LRRK2: variants seen among roughly 807,000 people sequenced by gnomAD.
LRRK2 encodes the protein leucine-rich repeat serine/threonine-protein kinase 2.
LRRK2 carries 203 observed loss-of-function variants against 302.6 expected under a neutral mutation model. That is an observed-to-expected ratio of 0.67 (90% confidence interval 0.60 to 0.75). The LOEUF is 0.75. LRRK2 is among the 30% of genes least tolerant of loss of function. The pLI is 0.00. For missense variants in LRRK2, 2,830 were observed against 2,951.0 expected (o/e 0.96, Z 0.95); for synonymous variants, 1,066 against 1,031.9 (o/e 1.03, Z -0.63).
At chr12:40,325,180 C>T (rs1333509783) in intron 38 of LRRK2, among the ~76,000 whole-genome samples, 3 of 152,080 alleles carry the variant, frequency 2.0e-5, no homozygotes, top group East Asian at 1.9e-4. Flanking sequence ...CTCAGCTACT[C>T]GGGAGGCTGA....
chr12:40,315,407 C>G, intron 33 of LRRK2, 107 bp downstream of exon 33: 1 of 905,954 alleles, frequency 1.1e-6, no homozygotes, highest in Non-Finnish European at 1.8e-6. Flanking sequence ...AAGGCAGAAA[C>G]TTTTGTGAAT....
At chr12:40,254,349 C>T (rs1942407368) in intron 11 of LRRK2, among the ~76,000 whole-genome samples, 1 of 152,178 alleles carries the variant, frequency 6.6e-6, no homozygotes, top group African/African-American at 2.4e-5. Context: ...TCTTCTTCCT[C>T]TTCCTCCTTT....
intron 33 of LRRK2, among the ~76,000 whole-genome samples, chr12:40,318,621 T>A (rs1945300049): frequency 6.6e-6 from 1 of 152,046 alleles, no homozygotes; most frequent in Non-Finnish European, 1.5e-5. Context: ...CCAGGGCCTA[T>A]GAGTTTATAC....
chr12:40,288,000 AT>A (rs1421375696), intron 20 of LRRK2, among the ~76,000 whole-genome samples: 1 of 151,962 alleles, frequency 6.6e-6, no homozygotes, highest in Non-Finnish European at 1.5e-5. Flanking sequence ...CAATATTAAT[AT>A]TTTAATAGCT....
Position 40,311,037 on chromosome 12 carries a change from C to A in LRRK2, c.4536+388C>A, listed in dbSNP as rs11175976. Among the ~76,000 whole-genome samples, 8 of 152,126 alleles carry A rather than the reference C, an allele frequency of 5.3e-5. No individual in the cohort carries two copies. The East Asian group carries it at 1.5e-3, about 29-fold the overall frequency. ...TCATCTTTCTTCTATTATTCTTTAA[C>A]TGTTATTTTTCCATTTCCTCTTTTC... On this transcript the variant is annotated intron_variant, in intron 31 of 50. Transcript: ENST00000298910.
intron 25 of LRRK2, chr12:40,301,131 G>A: frequency 2.2e-6 from 1 of 456,414 alleles, no homozygotes. Context: ...TGTTTGCTTT[G>A]CACTACACAA....
At chr12:40,360,436 A>G (rs1164116217) in intron 47 of LRRK2, among the ~76,000 whole-genome samples, 2 of 151,880 alleles carry the variant, frequency 1.3e-5, no homozygotes. Flanking sequence ...TGACCCTCCT[A>G]ATTGTCATTT....
chr12:40,308,671 C>A lies in LRRK2; in HGVS notation c.4164C>A (p.Leu1388=), dbSNP rs757255377. The A allele has an allele frequency of 6.2e-7, 1 of 1,613,794 alleles. No homozygotes were observed. Among genetic ancestry groups the A allele is most frequent in the African/African-American group, 1.3e-5 (1 of 75,032 alleles). ...TAAGAGACAAAAGAAAGAGAGATCTCGTCCTAAATGTGTGGGATTTTGCAG... is the reference window on the plus strand; with the variant it reads ...TAAGAGACAAAAGAAAGAGAGATCTAGTCCTAAATGTGTGGGATTTTGCAG... ...IQIRDKRKRD[L]VLNVWDFAGR... Residue 1388 remains leucine (L), a synonymous_variant, in exon 29 of 51, where the codon CTC becomes CTA. Transcript: ENST00000298910.
chr12:40,281,231 A>G (rs1009382132), intron 18 of LRRK2, among the ~76,000 whole-genome samples: 1 of 152,208 alleles, frequency 6.6e-6, no homozygotes, highest in Admixed American at 6.5e-5. Context: ...AAGGTCCAGT[A>G]GGTTCTAATG....
intron 8 of LRRK2, among the ~76,000 whole-genome samples, chr12:40,250,971 C>A (rs1018042838): frequency 1.4e-5 from 2 of 148,058 alleles, no homozygotes; most frequent in Non-Finnish European, 1.5e-5. Flanking sequence ...ATGAACTAAT[C>A]TTTTCAAATA....
Position 40,359,231 on chromosome 12 carries a change from G to A in LRRK2, c.6844-29G>A, listed in dbSNP as rs200642564. On this transcript the variant is annotated intron_variant, in intron 46 of 50. Coordinates refer to ENST00000298910, the MANE Select transcript of LRRK2 (RefSeq NM_198578.4). ...TTGTTCTGTGGATACTCAATTTGCT[G>A]AGTGTGTTTTCTTTTTTTTTTGGCA... 1.4e-5 allele frequency: 22 copies of A among 1,553,662 alleles called. No homozygotes were observed. In the African/African-American group the frequency reaches 3.0e-4, roughly 21 times the overall value.
At chr12:40,232,579 A>G (rs1592136107) in intron 3 of LRRK2, 196 bp downstream of exon 3, 1 of 541,616 alleles carries the variant, frequency 1.8e-6, no homozygotes, top group East Asian at 3.0e-5. Context: ...GAAAGCAAAC[A>G]TTTAAGGTAA....
chr12:40,235,114 A>G (rs2136408284), intron 3 of LRRK2, among the ~76,000 whole-genome samples: 1 of 152,326 alleles, frequency 6.6e-6, no homozygotes, highest in South Asian at 2.1e-4. Flanking sequence ...ATTATTCACC[A>G]CAATCAAGCT....
intron 14 of LRRK2, among the ~76,000 whole-genome samples, chr12:40,271,415 G>A (rs550652112): frequency 1.3e-5 from 2 of 152,184 alleles, no homozygotes; most frequent in South Asian, 4.1e-4. Flanking sequence ...CCATTGAGCT[G>A]GCTAGCTCAG....
At chr12:40,231,570 CA>C (rs1565664710) in intron 2 of LRRK2, among the ~76,000 whole-genome samples, 1 of 66,602 alleles carries the variant, frequency 1.5e-5, no homozygotes, top group African/African-American at 7.0e-5. Context: ...AAAACAAAAA[CA>C]AAACCAAAAA....
At chr12:40,325,482 C>T (rs1179498387) in intron 38 of LRRK2, among the ~76,000 whole-genome samples, 1 of 152,126 alleles carries the variant, frequency 6.6e-6, no homozygotes, top group African/African-American at 2.4e-5. Context: ...TCTTTCTTAT[C>T]GAGGGTCATC....
At position 40,315,234 on chromosome 12, in the gene LRRK2, C is replaced by G; in HGVS notation, c.4761C>G (p.Asp1587Glu). 1 of 1,612,418 alleles carries G rather than the reference C, an allele frequency of 6.2e-7. No individual in the cohort carries two copies. Reference sequence around the variant, plus strand: ...CAGGAGTCCTTCTTCATTTTCAAGACCCAGCACTGCAGTTAAGTGACTTGT... The same window carrying G: ...CAGGAGTCCTTCTTCATTTTCAAGAGCCAGCACTGCAGTTAAGTGACTTGT... ...NESGVLLHFQ[D>E]PALQLSDLYF... The change falls in exon 33 of 51, where the codon GAC (aspartate) becomes GAG (glutamate). Residue 1587 changes from aspartate (D) to glutamate (E), a missense_variant. By Grantham distance (45) the Asp-to-Glu change is conservative (BLOSUM62 2). Coordinates refer to ENST00000298910, the MANE Select transcript of LRRK2 (RefSeq NM_198578.4).
intron 20 of LRRK2, among the ~76,000 whole-genome samples, chr12:40,292,332 T>C (rs1944190604): frequency 1.3e-5 from 2 of 152,192 alleles, no homozygotes; most frequent in Middle Eastern, 3.4e-3. Context: ...TCTTGTTGTT[T>C]ATGTGAGTAG....
rs113668427 is a variant in LRRK2 at position 40,283,584 on chromosome 12, A to T, written c.2242-291A>T. Among the ~76,000 whole-genome samples, 127 of 152,346 alleles carry T rather than the reference A, an allele frequency of 8.3e-4. 1 individual carries two copies. Among genetic ancestry groups the T allele is most frequent in the African/African-American group, 2.9e-3 (121 of 41,588 alleles). ...AATGTGCATATTTGGTGGAGTCTGG[A>T]TGTAAACAGAGATCTTGATGCCAAG... On this transcript the variant is annotated intron_variant, in intron 18 of 50. Transcript: ENST00000298910.
Sources: allele counts gnomAD v4.1 joint callset (sites outside exome capture counted in the v4.1 genomes callset), GRCh38; gene constraint gnomAD v4.1.1; transcripts MANE v1.5; gene names NCBI Gene and HGNC (gene_info 2026-07-23, HGNC 2026-07-21).